The following ZNF544 variants were observed in gnomAD, a reference collection of about 807,000 sequenced individuals.
The protein encoded by ZNF544 is zinc finger protein 544.
In ZNF544, 10 loss-of-function variants were observed where a neutral mutation model predicts 13.5. That is an observed-to-expected ratio of 0.74 (90% CI 0.46 to 1.25). The LOEUF is 1.25. ZNF544 is among the 50% of genes most tolerant of loss of function. The pLI, the probability that ZNF544 is intolerant of heterozygous loss-of-function variation, is 0.00. For synonymous variants in ZNF544, 323 were observed against 300.5 expected, an observed-to-expected ratio of 1.07 and a Z score of -0.77; for missense variants, 896 against 845.6, an observed-to-expected ratio of 1.06 and a Z score of -0.74.
rs571507375 is a variant in ZNF544 at position 58,244,034 on chromosome 19, G to T, written c.11G>T (p.Arg4Leu). 12 of 1,608,458 alleles carry T rather than the reference G, an allele frequency of 7.5e-6. No homozygotes were observed. In the African/African-American group the frequency reaches 1.5e-4, roughly 20 times the overall value. MEA[R>L]SMLVPPQASV... ...AGGTGCAGGGAGGAAATGGAAGCAC[G>T]TTCTATGCTGGTTCCACCCCAGGTG... Residue 4 changes from arginine to leucine, a missense_variant, in exon 4 of 7, where the codon CGT becomes CTT. Physicochemically the swap from Arg to Leu is moderately radical, Grantham distance 102 (BLOSUM62 -2). Transcript: ENST00000687789.
Position 58,261,340 on chromosome 19 carries a change from T to A in ZNF544, c.734T>A (p.Ile245Asn). The change falls in exon 7 of 7, where the codon ATT becomes AAT. Residue 245 changes from isoleucine to asparagine, a missense_variant. Transcript: ENST00000687789. Reference sequence around the variant, plus strand: ...GGAAAGAAAAACCCTTATGAATATATTGTCAGTGGTGACTCTCTCAACTAT... The same window carrying A: ...GGAAAGAAAAACCCTTATGAATATAATGTCAGTGGTGACTCTCTCAACTAT... ...ETGKKNPYEYIVSGDSLNYGS... is the reference protein window; with the variant it reads ...ETGKKNPYEYNVSGDSLNYGS... 1 of 1,614,178 alleles carries A rather than the reference T, an allele frequency of 6.2e-7. No individual in the cohort carries two copies. The highest frequency in any genetic ancestry group is 8.5e-7 in the Non-Finnish European group (1 of 1,180,054).
At chr19:58,248,598 A>G (rs1181001379) in intron 6 of ZNF544, among the ~76,000 whole-genome samples, 1 of 152,086 alleles carries the variant, frequency 6.6e-6, no homozygotes, top group Non-Finnish European at 1.5e-5. Flanking sequence ...TGTATCCACC[A>G]TTATAGTATC....
intron 3 of ZNF544, among the ~76,000 whole-genome samples, chr19:58,241,062 C>T (rs1247323652): frequency 6.9e-6 from 1 of 144,700 alleles, no homozygotes; most frequent in Non-Finnish European, 1.5e-5. Context: ...ATCTCAACCT[C>T]CTGGGCTCAA....
At chr19:58,231,745 T>C (rs1467890846) in intron 3 of ZNF544, 1 of 152,212 alleles carries the variant, frequency 6.6e-6, no homozygotes, top group Non-Finnish European at 1.5e-5. Context: ...ACTATCTGTT[T>C]GTGACTGTCA....
At chr19:58,269,152 A>G (rs2050294026) in intron 5 of ZNF544, among the ~76,000 whole-genome samples, 1 of 152,156 alleles carries the variant, frequency 6.6e-6, no homozygotes, top group African/African-American at 2.4e-5. Flanking sequence ...AACAGATGGC[A>G]GGCTGGGCGT....
chr19:58,241,367 A>G (rs2043818089), intron 3 of ZNF544, among the ~76,000 whole-genome samples: 1 of 150,658 alleles, frequency 6.6e-6, no homozygotes, highest in Non-Finnish European at 1.5e-5. Flanking sequence ...GTGTACATAC[A>G]CCAACTCTGT....
At chr19:58,276,879 G>T (rs56091708) in intron 6 of ZNF544, among the ~76,000 whole-genome samples, 1 of 152,226 alleles carries the variant, frequency 6.6e-6, no homozygotes, top group African/African-American at 2.4e-5. Flanking sequence ...GAGCTCCCAC[G>T]GGGCAAATGG....
At chr19:58,266,239 CTGT>C (rs1289936213), downstream of ZNF544, among the ~76,000 whole-genome samples, 1 of 74,166 alleles carries the variant, frequency 1.3e-5, no homozygotes, top group East Asian at 5.1e-4. Flanking sequence ...AAAAAAAGGG[CTGT>C]GTGCGGTGGC....
At chr19:58,245,396 G>C (rs963455007) in intron 4 of ZNF544, among the ~76,000 whole-genome samples, 7 of 151,676 alleles carry the variant, frequency 4.6e-5, no homozygotes, top group Admixed American at 4.6e-4. Flanking sequence ...CTGCCTCCAG[G>C]TTCAAGCGAT....
intron 4 of ZNF544, among the ~76,000 whole-genome samples, chr19:58,244,404 A>G (rs1216664390): frequency 6.6e-6 from 1 of 151,478 alleles, no homozygotes; most frequent in Admixed American, 6.6e-5. Context: ...CCTCACGGAC[A>G]CCCCTGGCTG....
intron 6 of ZNF544, among the ~76,000 whole-genome samples, chr19:58,255,338 A>G (rs2047058113): frequency 6.6e-6 from 1 of 151,720 alleles, no homozygotes; most frequent in Non-Finnish European, 1.5e-5. Flanking sequence ...CACCATGCCC[A>G]GCCAATTTTT....
chr19:58,274,780 T>C (rs448403), intron 5 of ZNF544, among the ~76,000 whole-genome samples: 57,168 of 152,050 alleles, frequency 0.38, 11,657 homozygotes, highest in Middle Eastern at 0.5. Flanking sequence ...TGAGTTCCCA[T>C]AGCTCCATGT....
exon 6 of ZNF544, chr19:58,276,391 T>G: frequency 8.1e-7 from 1 of 1,231,726 alleles, no homozygotes. Context: ...CCTGGAAGGC[T>G]GCCTGATCCA....
chr19:58,246,870 G>C (rs1031575971), intron 6 of ZNF544, 76 bp downstream of exon 6: 2 of 1,430,486 alleles, frequency 1.4e-6, no homozygotes, highest in South Asian at 1.2e-5. Flanking sequence ...GGCCCCAGGG[G>C]CCAAGGAGGG....
intron 6 of ZNF544, 89 bp downstream of exon 6, chr19:58,246,883 C>G (rs2045343634): frequency 1.5e-6 from 2 of 1,332,304 alleles, no homozygotes; most frequent in Non-Finnish European, 2.1e-6. Context: ...AAGGAGGGAG[C>G]CTTGTTTGGA....
intron 3 of ZNF544, among the ~76,000 whole-genome samples, chr19:58,236,366 C>T (rs1048256691): frequency 6.6e-6 from 1 of 151,308 alleles, no homozygotes; most frequent in Admixed American, 6.6e-5. Context: ...AGGGTGGTGG[C>T]GCATACCTGT....
intron 6 of ZNF544, among the ~76,000 whole-genome samples, chr19:58,255,988 A>C (rs2047239921): frequency 6.6e-6 from 1 of 152,220 alleles, no homozygotes; most frequent in African/African-American, 2.4e-5. Flanking sequence ...AAGGTCCTTC[A>C]CCCGAACTGG....
chr19:58,233,619 A>G (rs1451733692), intron 3 of ZNF544, among the ~76,000 whole-genome samples: 8 of 152,204 alleles, frequency 5.3e-5, no homozygotes, highest in African/African-American at 9.7e-5. Context: ...CCCACAGAAA[A>G]TTTAAAGACC....
intron 6 of ZNF544, among the ~76,000 whole-genome samples, chr19:58,253,882 A>G (rs1048489998): frequency 6.6e-6 from 1 of 152,246 alleles, no homozygotes; most frequent in African/African-American, 2.4e-5. Context: ...ATATATGTTG[A>G]CAATTCTGAA....
Sources: allele counts gnomAD v4.1 joint callset (sites outside exome capture counted in the v4.1 genomes callset), GRCh38; gene constraint gnomAD v4.1.1; transcripts MANE v1.5; gene names NCBI Gene and HGNC (gene_info 2026-07-23, HGNC 2026-07-21).